PTPRN2: variants seen among roughly 807,000 people sequenced by gnomAD.
PTPRN2 encodes receptor-type tyrosine-protein phosphatase N2.
In PTPRN2, 74 loss-of-function variants were observed where a neutral mutation model predicts 118.8. The ratio of observed to expected loss-of-function variants is 0.62; its 90% CI spans 0.52 to 0.76. The LOEUF (loss-of-function observed/expected upper bound fraction) is 0.76. Among genes scored for constraint, PTPRN2 ranks in the 30% least tolerant of loss-of-function variants. The pLI is 0.00. For missense variants in PTPRN2, 1,481 were observed against 1,394.4 expected, an observed-to-expected ratio of 1.06 and a Z score of -0.99; for synonymous variants, 641 against 608.0, an observed-to-expected ratio of 1.05 and a Z score of -0.80.
chr7:158,221,581 A>G (rs1048810888), intron 3 of PTPRN2, among the ~76,000 whole-genome samples: 1 of 152,184 alleles, frequency 6.6e-6, no homozygotes, highest in Non-Finnish European at 1.5e-5. Context: ...CCTCACAATC[A>G]TGATGGAAGG....
intron 5 of PTPRN2, among the ~76,000 whole-genome samples, chr7:158,175,317 G>A (rs544460115): frequency 6.6e-6 from 1 of 152,334 alleles, no homozygotes; most frequent in African/African-American, 2.4e-5. Flanking sequence ...ATGCGGCCAG[G>A]TTTGGGAGCT....
chr7:158,209,910 A>G (rs1377633066), intron 3 of PTPRN2, among the ~76,000 whole-genome samples: 6 of 152,228 alleles, frequency 3.9e-5, no homozygotes, highest in Non-Finnish European at 7.3e-5. Context: ...TGGAAACTAT[A>G]CAAACACATG....
At chr7:158,119,191 C>A (rs952050610) in intron 9 of PTPRN2, among the ~76,000 whole-genome samples, 3 of 152,054 alleles carry the variant, frequency 2.0e-5, no homozygotes, top group African/African-American at 7.2e-5. Context: ...ACAAACAATA[C>A]CATTTAAAAA....
At chr7:158,355,819 T>C (rs1214499651) in intron 2 of PTPRN2, among the ~76,000 whole-genome samples, 1 of 152,106 alleles carries the variant, frequency 6.6e-6, no homozygotes, top group Non-Finnish European at 1.5e-5. Context: ...CCCAAGATGA[T>C]GGGGTGAGAC....
chr7:157,645,397 G>A (rs1263635952), intron 14 of PTPRN2, among the ~76,000 whole-genome samples: 2 of 152,216 alleles, frequency 1.3e-5, no homozygotes, highest in Non-Finnish European at 2.9e-5. Flanking sequence ...GAGGTACCAT[G>A]TCTATGGCAC....
chr7:157,844,709 G>A (rs1203492131), intron 12 of PTPRN2, among the ~76,000 whole-genome samples: 1 of 152,214 alleles, frequency 6.6e-6, no homozygotes, highest in Admixed American at 6.5e-5. Flanking sequence ...CACGTCCTAA[G>A]TTGCTCTGTG....
At chr7:158,332,599 TAAG>T (rs1445968306) in intron 2 of PTPRN2, among the ~76,000 whole-genome samples, 3 of 150,898 alleles carry the variant, frequency 2.0e-5, no homozygotes, top group African/African-American at 4.9e-5. Flanking sequence ...ACTCTCACCA[TAAG>T]AAGTGACACC....
intron 12 of PTPRN2, among the ~76,000 whole-genome samples, chr7:157,766,258 C>G (rs1295138179): frequency 6.6e-6 from 1 of 151,516 alleles, no homozygotes; most frequent in African/African-American, 2.4e-5. Flanking sequence ...CTTCCTCCAT[C>G]CATCCATCCT....
intron 11 of PTPRN2, among the ~76,000 whole-genome samples, chr7:157,928,699 C>T (rs917836974): frequency 1.3e-3 from 5 of 3,874 alleles, no homozygotes; most frequent in African/African-American, 5.8e-3. Flanking sequence ...GCACAGAGGG[C>T]GGGATAGGGG....
At chr7:157,906,888 C>G (rs1797801887) in intron 11 of PTPRN2, among the ~76,000 whole-genome samples, 1 of 152,182 alleles carries the variant, frequency 6.6e-6, no homozygotes, top group Non-Finnish European at 1.5e-5. Flanking sequence ...AGGCCCTGCT[C>G]TAAGCTTCTT....
intron 12 of PTPRN2, among the ~76,000 whole-genome samples, chr7:157,817,853 CGT>C (rs762040219): frequency 2.6e-4 from 40 of 150,970 alleles, no homozygotes; most frequent in African/African-American, 8.5e-4. Context: ...GTGTGTGGTG[CGT>C]GTGTGTGGTG....
At position 158,167,240 on chromosome 7, in the gene PTPRN2, C is replaced by T; in HGVS notation, c.601G>A (p.Ala201Thr). Residue 201 changes from alanine to threonine, a missense_variant, in exon 6 of 23, where the codon GCG (alanine) becomes ACG (threonine). Coordinates refer to ENST00000389418, the MANE Select transcript of PTPRN2 (RefSeq NM_002847.5). The stretch of plus-strand genomic sequence containing the variant: ...CGGGACCCGGGAGGGTAGGTCAGCG[C>T]AGACGTGTGGGCCACATAGGTCAGG... ...SILTYVAHTS[A>T]LTYPPGSRTQ... 2 of 1,612,898 alleles carry T rather than the reference C, an allele frequency of 1.2e-6. No individual in the cohort carries two copies. The highest frequency in any genetic ancestry group is 1.7e-6 in the Non-Finnish European group (2 of 1,179,646).
At chr7:158,235,168 T>C (rs1829451718) in intron 3 of PTPRN2, among the ~76,000 whole-genome samples, 1 of 152,138 alleles carries the variant, frequency 6.6e-6, no homozygotes, top group African/African-American at 2.4e-5. Context: ...GCAGCCACTA[T>C]AGAGAATAGT....
At chr7:158,379,526 C>T (rs544012994) in intron 2 of PTPRN2, among the ~76,000 whole-genome samples, 23 of 151,742 alleles carry the variant, frequency 1.5e-4, no homozygotes, top group Admixed American at 6.6e-4. Flanking sequence ...ATGGTACAGA[C>T]GAAAGACAAA....
chr7:158,133,958 C>T lies in PTPRN2; in HGVS notation c.1275G>A (p.Arg425=). The stretch of plus-strand genomic sequence containing the variant: ...AAGACTCAGGGTGCTCGGACTTCTT[C>T]CTCTCCATGTCGAGGGGCCTTGCAA... The part of the protein sequence containing the change: ...LPFARPLDME[R]KKSEHPESSL... The change falls in exon 9 of 23, where the codon AGG becomes AGA. Residue 425 remains arginine, a synonymous_variant. Transcript: ENST00000389418. 6.2e-7 allele frequency: 1 copy of T among 1,614,020 alleles called. No individual in the cohort carries two copies. Among genetic ancestry groups the T allele is most frequent in the Non-Finnish European group, 8.5e-7 (1 of 1,180,048 alleles).
At position 158,124,210 on chromosome 7, in the gene PTPRN2, AAAG is replaced by A. The variant is rs574603100; in HGVS notation, c.1556+9464_1556+9466del. Among the ~76,000 whole-genome samples, 374 of 152,368 alleles carry A rather than the reference AAAG, an allele frequency of 2.5e-3. 2 individuals are homozygous for A. Among genetic ancestry groups the A allele is most frequent in the Admixed American group, 0.02 (311 of 15,308 alleles). On this transcript the variant is annotated intron_variant, in intron 9 of 22. Transcript: ENST00000389418. The stretch of plus-strand genomic sequence containing the variant: ...TAGGCCCTAAAGGCACAAGTTACAT[AAAG>A]AAGTGCCGCCAATGCCAACGGTCCC...
intron 3 of PTPRN2, among the ~76,000 whole-genome samples, chr7:158,312,241 C>G (rs903029695): frequency 1.3e-4 from 14 of 109,226 alleles, no homozygotes; most frequent in African/African-American, 4.2e-4. Flanking sequence ...CACACATGCA[C>G]ACACACCTGC....
intron 21 of PTPRN2, among the ~76,000 whole-genome samples, chr7:157,557,405 C>T (rs1585027974): frequency 6.6e-6 from 1 of 152,064 alleles, no homozygotes; most frequent in East Asian, 1.9e-4. Flanking sequence ...ACACACAGAA[C>T]ACTCACAGCT....
chr7:158,562,728 C>T (rs1002158217), intron 1 of PTPRN2, among the ~76,000 whole-genome samples: 1 of 152,142 alleles, frequency 6.6e-6, no homozygotes, highest in Non-Finnish European at 1.5e-5. Context: ...GTGATAATGG[C>T]GTGAAGGCAA....
Sources: allele counts gnomAD v4.1 joint callset (sites outside exome capture counted in the v4.1 genomes callset), GRCh38; gene constraint gnomAD v4.1.1; transcripts MANE v1.5; gene names NCBI Gene and HGNC (gene_info 2026-07-23, HGNC 2026-07-21).